ERBB4: variants seen among roughly 807,000 people sequenced by gnomAD.
ERBB4 encodes the protein erb-b2 receptor tyrosine kinase 4.
In ERBB4, 42 loss-of-function variants were observed where a neutral mutation model predicts 158.0. The ratio of observed to expected loss-of-function variants is 0.27; its 90% CI spans 0.21 to 0.34. The LOEUF (loss-of-function observed/expected upper bound fraction) is 0.34, where lower values mean the gene tolerates loss of function less well. Ranked by LOEUF, ERBB4 falls within the 10% of genes least tolerant of loss-of-function variation. ERBB4 has a pLI of 1.00. For synonymous variants in ERBB4, 583 were observed against 558.7 expected (o/e 1.04, Z -0.61); for missense variants, 1,333 against 1,624.1 (o/e 0.82, Z 3.08).
intron 3 of ERBB4, among the ~76,000 whole-genome samples, chr2:211,841,919 G>C (rs992954313): frequency 6.6e-6 from 1 of 151,956 alleles, no homozygotes; most frequent in Non-Finnish European, 1.5e-5. Context: ...TAATTCAGCA[G>C]TTAAAATTAT....
chr2:211,804,446 A>G (rs879349619), intron 3 of ERBB4, among the ~76,000 whole-genome samples: 6 of 152,112 alleles, frequency 3.9e-5, no homozygotes, highest in African/African-American at 1.4e-4. Flanking sequence ...TGTTCTTTGG[A>G]AACAAATGAA....
chr2:211,981,548 C>G (rs1044895363), intron 2 of ERBB4, among the ~76,000 whole-genome samples: 16 of 152,186 alleles, frequency 1.1e-4, no homozygotes, highest in African/African-American at 3.9e-4. Context: ...GCTGCAATGA[C>G]ACTGAACTTG....
At chr2:211,514,701 T>C (rs1276425402) in intron 20 of ERBB4, among the ~76,000 whole-genome samples, 3 of 152,112 alleles carry the variant, frequency 2.0e-5, no homozygotes, top group Non-Finnish European at 4.4e-5. Flanking sequence ...CACATACAGG[T>C]TGAGAATCCC....
chr2:212,151,665 G>C (rs2080875290), intron 1 of ERBB4, among the ~76,000 whole-genome samples: 1 of 152,010 alleles, frequency 6.6e-6, no homozygotes, highest in African/African-American at 2.4e-5. Flanking sequence ...GAGGCAGGTT[G>C]ATCACTTGAG....
chr2:211,678,910 T>G, intron 13 of ERBB4, 142 bp downstream of exon 13: 1 of 718,904 alleles, frequency 1.4e-6, no homozygotes, highest in Admixed American at 3.3e-5. Flanking sequence ...GAGCTTGCAG[T>G]GAGCCGAGAT....
rs1353299211 is a variant in ERBB4 at position 212,447,371 on chromosome 2, C to A, written c.82+91078G>T. On this transcript the variant is annotated intron_variant, in intron 1 of 27. Coordinates refer to ENST00000342788, the MANE Select transcript of ERBB4 (RefSeq NM_005235.3). ...CAGTCAACTTCTCCACTTTGTCCTA[C>A]AAAAAGCTATTTTTTCTATTTTAAA... 3.3e-5 allele frequency among the ~76,000 whole-genome samples: 5 copies of A among 150,076 alleles called. No individual in the cohort carries two copies. In the East Asian group the frequency reaches 9.6e-4, roughly 29 times the overall value.
intron 2 of ERBB4, among the ~76,000 whole-genome samples, chr2:211,961,449 C>T (rs2081177594): frequency 6.6e-6 from 1 of 152,140 alleles, no homozygotes; most frequent in Admixed American, 6.6e-5. Context: ...ATGGGACTTG[C>T]CTCAGGGGCA....
At chr2:211,427,272 G>A (rs1381773202) in intron 22 of ERBB4, among the ~76,000 whole-genome samples, 1 of 151,698 alleles carries the variant, frequency 6.6e-6, no homozygotes, top group African/African-American at 2.4e-5. Flanking sequence ...TTAAGTTTGA[G>A]TAACATAAAT....
intron 20 of ERBB4, among the ~76,000 whole-genome samples, chr2:211,483,823 C>G (rs1334193003): frequency 6.6e-6 from 1 of 151,968 alleles, no homozygotes; most frequent in Non-Finnish European, 1.5e-5. Flanking sequence ...AGTGCTGGGA[C>G]TACAGGCATG....
chr2:211,772,924 CATAT>C lies in ERBB4; in HGVS notation c.556+15097_556+15100del, dbSNP rs1159274288. Among the ~76,000 whole-genome samples the C allele has an allele frequency of 3.3e-3, 122 of 36,722 alleles. 3 individuals are homozygous for C. The highest frequency in any genetic ancestry group is 0.015 in the African/African-American group (99 of 6,768). The allele number at this position is 36,722 out of a possible 152,430, so 24.1% of individuals were successfully genotyped here. ...ATATATATATACACACACACACACACATATATATATATATATATATATATATATA... is the reference window on the plus strand; with the variant it reads ...ATATATATATACACACACACACACACATATATATATATATATATATATATA... On this transcript the variant is annotated intron_variant, in intron 4 of 27. Coordinates refer to ENST00000342788, the MANE Select transcript of ERBB4 (RefSeq NM_005235.3).
intron 1 of ERBB4, among the ~76,000 whole-genome samples, chr2:212,251,144 T>C (rs2084517807): frequency 6.6e-6 from 1 of 152,006 alleles, no homozygotes; most frequent in Non-Finnish European, 1.5e-5. Flanking sequence ...CAATCTAAAA[T>C]GTCTTTACAT....
intron 1 of ERBB4, among the ~76,000 whole-genome samples, chr2:212,416,689 T>C (rs1434782334): frequency 6.6e-6 from 1 of 152,060 alleles, no homozygotes; most frequent in Non-Finnish European, 1.5e-5. Context: ...CTGCAGTACA[T>C]TACTGACATA....
At chr2:212,313,440 C>T (rs1394792) in intron 1 of ERBB4, among the ~76,000 whole-genome samples, 105,902 of 150,598 alleles carry the variant, frequency 0.7, 41,047 homozygotes, top group East Asian at 0.88. Context: ...GCCAAGTGTA[C>T]AACTAATTCT....
intron 1 of ERBB4, among the ~76,000 whole-genome samples, chr2:212,438,332 A>AAATACCATT (rs1276486361): frequency 2.3e-4 from 35 of 152,110 alleles, no homozygotes; most frequent in Admixed American, 1.9e-3. Flanking sequence ...ACCAGGAGAA[A>AAATACCATT]AATACCATTA....
chr2:212,202,330 T>A (rs1336911442), intron 1 of ERBB4, among the ~76,000 whole-genome samples: 1 of 152,096 alleles, frequency 6.6e-6, no homozygotes, highest in Non-Finnish European at 1.5e-5. Context: ...TGAGGATATG[T>A]TTTGACATGA....
At chr2:211,827,135 T>A (rs1465227544) in intron 3 of ERBB4, among the ~76,000 whole-genome samples, 1 of 151,962 alleles carries the variant, frequency 6.6e-6, no homozygotes, top group Non-Finnish European at 1.5e-5. Flanking sequence ...AGAATAAAAT[T>A]TAGAATGTTA....
chr2:212,361,026 T>C lies in ERBB4; in HGVS notation c.82+177423A>G, dbSNP rs111743906. On this transcript the variant is annotated intron_variant, in intron 1 of 27. Coordinates refer to ENST00000342788, the MANE Select transcript of ERBB4 (RefSeq NM_005235.3). Reference sequence around the variant, plus strand: ...TCAACATGGATTCTAAACAAGTGAGTTCAACATCCAAACAAAAGTGACCAA... The same window carrying C: ...TCAACATGGATTCTAAACAAGTGAGCTCAACATCCAAACAAAAGTGACCAA... 5.2e-3 allele frequency among the ~76,000 whole-genome samples: 784 copies of C among 151,798 alleles called. 5 individuals are homozygous for C. The highest frequency in any genetic ancestry group is 0.024 in the Middle Eastern group (7 of 294).
chr2:211,955,251 C>T (rs60268595), intron 2 of ERBB4, among the ~76,000 whole-genome samples: 8,132 of 152,044 alleles, frequency 0.053, 372 homozygotes, highest in African/African-American at 0.13. Flanking sequence ...AATCTGCAGG[C>T]CATTTCACTC....
intron 3 of ERBB4, among the ~76,000 whole-genome samples, chr2:211,940,080 A>C (rs2080450529): frequency 6.6e-6 from 1 of 152,096 alleles, no homozygotes; most frequent in Non-Finnish European, 1.5e-5. Context: ...TGAAATCAGA[A>C]AGTGCAACAA....
Sources: allele counts gnomAD v4.1 joint callset (sites outside exome capture counted in the v4.1 genomes callset), GRCh38; gene constraint gnomAD v4.1.1; transcripts MANE v1.5; gene names NCBI Gene and HGNC (gene_info 2026-07-23, HGNC 2026-07-21).